Variants in FAAH2 observed in about 807,000 individuals in gnomAD.
The protein encoded by FAAH2 is fatty-acid amide hydrolase 2.
A neutral mutation model predicts 36.9 loss-of-function variants in FAAH2; 60 were observed. The ratio of observed to expected loss-of-function variants is 1.63; its 90% CI spans 1.32 to 2.02. The LOEUF is 2.02. Ranked by LOEUF, FAAH2 falls within the 30% of genes most tolerant of loss-of-function variation. The pLI is 0.00. For missense variants in FAAH2, 689 were observed against 397.5 expected (o/e 1.73, Z -6.23); for synonymous variants, 214 against 143.8 (o/e 1.49, Z -3.49).
At position 57,448,953 on chromosome X, in the gene FAAH2, A is replaced by G. The variant is rs747768674; in HGVS notation, c.1423+235A>G. On this transcript the variant is annotated intron_variant, in intron 10 of 10. Transcript: ENST00000374900. Reference sequence around the variant, plus strand: ...GTGCATATGAGTATCCACATTTTACAGAACTGTGCCTCAGGGAGGTTCAGC... The same window carrying G: ...GTGCATATGAGTATCCACATTTTACGGAACTGTGCCTCAGGGAGGTTCAGC... 1.3e-4 allele frequency among the ~76,000 whole-genome samples: 15 copies of G among 111,715 alleles called. No individual in the cohort carries two copies. The East Asian group carries it at 4.2e-3, about 31-fold the overall frequency.
intron 7 of FAAH2, among the ~76,000 whole-genome samples, chrX:57,422,170 A>G (rs1237965248): frequency 8.9e-6 from 1 of 112,052 alleles, no homozygotes; most frequent in Non-Finnish European, 1.9e-5. Flanking sequence ...ATTTGGCACA[A>G]CAGCTGTTTG....
chrX:57,388,540 C>T (rs2055083003), intron 7 of FAAH2, among the ~76,000 whole-genome samples: 1 of 111,108 alleles, frequency 9.0e-6, no homozygotes, highest in Non-Finnish European at 1.9e-5. Flanking sequence ...AGTACAGTGT[C>T]CATGGGTAGC....
Position 57,346,580 on chromosome X carries a change from A to T in FAAH2, c.742+5190A>T, listed in dbSNP as rs1488029130. On this transcript the variant is annotated intron_variant, in intron 5 of 10. Coordinates refer to ENST00000374900, the MANE Select transcript of FAAH2 (RefSeq NM_174912.4). ...TTTTAGTTTGGTGTTTAGACCATTTACATTCAGGGTCAGTATTAATGGATG... is the reference window on the plus strand; with the variant it reads ...TTTTAGTTTGGTGTTTAGACCATTTTCATTCAGGGTCAGTATTAATGGATG... 2.7e-5 allele frequency among the ~76,000 whole-genome samples: 3 copies of T among 111,845 alleles called. No homozygotes were observed. The Admixed American group carries it at 2.9e-4, about 11-fold the overall frequency.
intron 9 of FAAH2, among the ~76,000 whole-genome samples, chrX:57,448,290 G>A (rs1045922039): frequency 8.9e-6 from 1 of 112,407 alleles, no homozygotes; most frequent in African/African-American, 3.2e-5. Flanking sequence ...TTTCAATTAT[G>A]TGAAAAATCC....
chrX:57,394,676 A>AT, intron 7 of FAAH2: 2 of 937,184 alleles, frequency 2.1e-6, no homozygotes, highest in Non-Finnish European at 3.1e-6. Flanking sequence ...CTTTTCTCCC[A>AT]TTTGTTTTTT....
chrX:57,482,050 G>A (rs1346358517), intron 10 of FAAH2, among the ~76,000 whole-genome samples: 1 of 111,596 alleles, frequency 9.0e-6, no homozygotes, highest in Non-Finnish European at 1.9e-5. Context: ...GGGGAAAACT[G>A]CCTACCAAAT....
intron 2 of FAAH2, among the ~76,000 whole-genome samples, chrX:57,305,709 T>G (rs761481537): frequency 8.9e-6 from 1 of 111,763 alleles, no homozygotes; most frequent in Non-Finnish European, 1.9e-5. Flanking sequence ...CTTTATCTTG[T>G]GCCATTCTCC....
intron 5 of FAAH2, among the ~76,000 whole-genome samples, chrX:57,377,288 T>C (rs1272057193): frequency 8.9e-6 from 1 of 112,506 alleles, no homozygotes; most frequent in African/African-American, 3.2e-5. Context: ...AGGTCTTACA[T>C]TTAAGTCTTT....
intron 5 of FAAH2, among the ~76,000 whole-genome samples, chrX:57,350,399 G>A (rs553210301): frequency 4.5e-5 from 5 of 109,985 alleles, no homozygotes; most frequent in Middle Eastern, 4.7e-3. Context: ...GAATCAAATG[G>A]CACTACTACA....
chrX:57,235,811 C>T, the FAAH2 span, among the ~76,000 whole-genome samples: 44 of 112,536 alleles, frequency 3.9e-4, no homozygotes, highest in African/African-American at 1.4e-3. Flanking sequence ...TGTTAGCATG[C>T]CCATCCCACC....
intron 8 of FAAH2, among the ~76,000 whole-genome samples, chrX:57,432,846 G>A (rs1039925843): frequency 1.8e-5 from 2 of 110,503 alleles, no homozygotes; most frequent in African/African-American, 3.3e-5. Flanking sequence ...TTACTCATAC[G>A]TAAAATTAAG....
chrX:57,202,584 C>T, the FAAH2 span, among the ~76,000 whole-genome samples: 3 of 111,901 alleles, frequency 2.7e-5, no homozygotes, highest in African/African-American at 9.7e-5. Context: ...GGGGACAGAA[C>T]TGAGCCCAGC....
rs183449604 is a variant in FAAH2, at chrX:57,375,979, G to A, written c.743-2672G>A. On this transcript the variant is annotated intron_variant, in intron 5 of 10. Coordinates refer to ENST00000374900, the MANE Select transcript of FAAH2 (RefSeq NM_174912.4). ...TTGAGTTATGTCAAAAGTTTTTGTG[G>A]TAAAGATTATACTTTCCCCACTGCA... 4.0e-4 allele frequency among the ~76,000 whole-genome samples: 44 copies of A among 111,111 alleles called. No homozygotes were observed. In the East Asian group the frequency reaches 7.1e-3, roughly 18 times the overall value.
intron 5 of FAAH2, among the ~76,000 whole-genome samples, chrX:57,365,128 A>G (rs2054382977): frequency 9.0e-6 from 1 of 111,520 alleles, no homozygotes; most frequent in African/African-American, 3.3e-5. Flanking sequence ...GTAACTTGTC[A>G]ATGGCATGTT....
chrX:57,447,585 A>G (rs1257437137), intron 9 of FAAH2, among the ~76,000 whole-genome samples: 1 of 112,080 alleles, frequency 8.9e-6, no homozygotes, highest in Non-Finnish European at 1.9e-5. Context: ...TCAATTCTTG[A>G]TTTTTGTTCA....
At chrX:57,266,594 A>C in the FAAH2 span, among the ~76,000 whole-genome samples, 50,453 of 111,365 alleles carry the variant, frequency 0.45, 11,368 homozygotes, top group African/African-American at 0.89. Context: ...CCTATCCACA[A>C]CTTTAACAAC....
At chrX:57,248,648 G>A in the FAAH2 span, among the ~76,000 whole-genome samples, 1 of 105,998 alleles carries the variant, frequency 9.4e-6, no homozygotes, top group Admixed American at 1.0e-4. Flanking sequence ...AGATACTGGG[G>A]AGGCTGAGGT....
chrX:57,343,431 T>A (rs1012527011), intron 5 of FAAH2, among the ~76,000 whole-genome samples: 1 of 111,818 alleles, frequency 8.9e-6, no homozygotes, highest in Non-Finnish European at 1.9e-5. Flanking sequence ...TTGAGAAGTG[T>A]CCATTCATGT....
At chrX:57,459,459 C>T (rs2147211462) in intron 10 of FAAH2, among the ~76,000 whole-genome samples, 1 of 112,496 alleles carries the variant, frequency 8.9e-6, no homozygotes, top group Non-Finnish European at 1.9e-5. Flanking sequence ...CAGATCCTGA[C>T]AAGGGGGTTT....
Sources: allele counts gnomAD v4.1 joint callset (sites outside exome capture counted in the v4.1 genomes callset), GRCh38; gene constraint gnomAD v4.1.1; transcripts MANE v1.5; gene names NCBI Gene and HGNC (gene_info 2026-07-23, HGNC 2026-07-21).